Variants in NR1D2 observed in about 807,000 individuals in gnomAD.
NR1D2 encodes nuclear receptor subfamily 1 group D member 2.
Under a neutral mutation model 52.2 loss-of-function variants are expected in NR1D2, and 25 were observed. That is an observed-to-expected ratio of 0.48 (90% CI 0.35 to 0.67). NR1D2 has a LOEUF of 0.67. Among genes scored for constraint, NR1D2 ranks in the 30% least tolerant of loss-of-function variants. The pLI is 0.01. For missense variants in NR1D2, 681 were observed against 707.2 expected, an observed-to-expected ratio of 0.96 and a Z score of 0.42; for synonymous variants, 259 against 230.1, an observed-to-expected ratio of 1.13 and a Z score of -1.14.
Position 23,954,662 on chromosome 3 carries a change from A to T in NR1D2, c.142A>T (p.Asn48Tyr). ...SSVPSSPNSSNSDTNGNPKNG... is the reference protein window; with the variant it reads ...SSVPSSPNSSYSDTNGNPKNG... The stretch of plus-strand genomic sequence containing the variant: ...TGTTCCATCTTCTCCAAATAGCTCT[A>T]ATTCTGATACCAATGGTAATCCCAA... Residue 48 changes from asparagine (N) to tyrosine (Y), a missense_variant, in exon 2 of 8, where the codon AAT (asparagine) becomes TAT (tyrosine). This residue lies in a region of NR1D2 where 94 missense variants were observed against 90.4 expected (regional missense o/e 1.04). Transcript: ENST00000312521. The T allele has an allele frequency of 6.2e-7, 1 of 1,614,102 alleles. No individual in the cohort carries two copies. The highest frequency in any genetic ancestry group is 8.5e-7 in the Non-Finnish European group (1 of 1,179,974).
At chr3:23,955,784 C>T (rs1377979948) in intron 2 of NR1D2, among the ~76,000 whole-genome samples, 3 of 151,986 alleles carry the variant, frequency 2.0e-5, no homozygotes, top group Non-Finnish European at 2.9e-5. Flanking sequence ...GATCACGCCA[C>T]TGCGTTCCAG....
rs1284676979 is a variant in NR1D2 at position 23,946,102 on chromosome 3, C to T, written c.16+508C>T. ...CTCCGCCCCTTTGGAAGCCTCGGGG[C>T]AGTGACGTCGCCGCGATTCCCTCCT... On this transcript the variant is annotated intron_variant, in intron 1 of 7. Coordinates refer to ENST00000312521, the MANE Select transcript of NR1D2 (RefSeq NM_005126.5). The T allele has an allele frequency of 1.0e-5, 10 of 984,552 alleles. No individual in the cohort carries two copies. In the Admixed American group the frequency reaches 4.9e-4, roughly 48 times the overall value. The allele number at this position is 984,552 out of a possible 1,614,324, so 61.0% of individuals were successfully genotyped here.
intron 4 of NR1D2, among the ~76,000 whole-genome samples, chr3:23,960,219 G>A (rs575793367): frequency 8.5e-5 from 13 of 152,114 alleles, no homozygotes; most frequent in African/African-American, 1.2e-4. Flanking sequence ...GACCAGCCAT[G>A]GTGAAACCCC....
At chr3:23,966,064 G>A (rs1259722617) in intron 6 of NR1D2, among the ~76,000 whole-genome samples, 1 of 152,114 alleles carries the variant, frequency 6.6e-6, no homozygotes, top group Middle Eastern at 3.2e-3. Flanking sequence ...GCCTCTCCTG[G>A]TCCTTAGTTA....
In NR1D2 at chr3:23,977,382, A is replaced by G; in HGVS notation, c.1703A>G (p.His568Arg). The G allele has an allele frequency of 6.2e-7, 1 of 1,610,068 alleles. No homozygotes were observed. The highest frequency in any genetic ancestry group is 8.5e-7 in the Non-Finnish European group (1 of 1,178,550). ...LPDLRSLNNMHSEELLAFKVH... is the reference protein window; with the variant it reads ...LPDLRSLNNMRSEELLAFKVH... ...GATCTTCGATCTTTAAACAACATGC[A>G]CTCTGAGGAGCTCTTGGCCTTTAAA... Residue 568 changes from histidine (H) to arginine (R), a missense_variant, in exon 8 of 8, where the codon CAC (histidine) becomes CGC (arginine). This residue lies in a region of NR1D2 where 475 missense variants were observed against 454.5 expected (regional missense o/e 1.05). Transcript: ENST00000312521.
chr3:23,946,255 T>C, intron 1 of NR1D2: 1 of 985,322 alleles, frequency 1.0e-6, no homozygotes. Flanking sequence ...TTTCGCGAGG[T>C]GACCCCAAGG....
At chr3:23,960,398 C>G (rs979677257) in intron 4 of NR1D2, among the ~76,000 whole-genome samples, 16 of 152,076 alleles carry the variant, frequency 1.1e-4, no homozygotes, top group African/African-American at 3.9e-4. Flanking sequence ...CGGTGACACT[C>G]TGTCTCAATG....
intron 7 of NR1D2, among the ~76,000 whole-genome samples, chr3:23,974,088 C>CCT (rs1706658933): frequency 1.3e-5 from 1 of 79,508 alleles, no homozygotes; most frequent in African/African-American, 5.2e-5. Flanking sequence ...TTACAGTTAC[C>CCT]TTTTTTTTTT....
intron 4 of NR1D2, 82 bp from the exon 5 acceptor site, chr3:23,961,895 T>C: frequency 7.7e-7 from 1 of 1,305,836 alleles, no homozygotes; most frequent in South Asian, 1.5e-5. Context: ...AGGCCATAAC[T>C]GTTGGATAAT....
intron 3 of NR1D2, 93 bp from the exon 4 acceptor site, chr3:23,959,578 C>T (rs1276040034): frequency 1.5e-5 from 17 of 1,167,794 alleles, no homozygotes; most frequent in Admixed American, 9.0e-5. Context: ...GACTGTAGTT[C>T]GTCATATACA....
At chr3:23,946,767 C>G (rs897400515) in intron 1 of NR1D2, among the ~76,000 whole-genome samples, 1 of 152,160 alleles carries the variant, frequency 6.6e-6, no homozygotes, top group Non-Finnish European at 1.5e-5. Context: ...GAGAATTTGG[C>G]TTTATAAATA....
intron 1 of NR1D2, among the ~76,000 whole-genome samples, chr3:23,953,596 G>C (rs1294092252): frequency 6.6e-6 from 1 of 152,158 alleles, no homozygotes; most frequent in Admixed American, 6.5e-5. Context: ...GTAGAGAAGG[G>C]AGAGTATTGA....
intron 1 of NR1D2, among the ~76,000 whole-genome samples, chr3:23,946,989 C>T (rs566768468): frequency 6.6e-6 from 1 of 152,214 alleles, no homozygotes; most frequent in Admixed American, 6.5e-5. Context: ...AAAATAAAGT[C>T]ACTTTCTAAT....
At chr3:23,959,282 G>A (rs943304933) in intron 3 of NR1D2, among the ~76,000 whole-genome samples, 25 of 143,876 alleles carry the variant, frequency 1.7e-4, no homozygotes, top group African/African-American at 6.4e-4. Flanking sequence ...AAAAAAAAAA[G>A]AATCAGTCAT....
Position 23,968,039 on chromosome 3 carries a change from CA to C in NR1D2, c.1543+20del, listed in dbSNP as rs1430968709. On this transcript the variant is annotated intron_variant, in intron 7 of 7. Transcript: ENST00000312521. The stretch of plus-strand genomic sequence containing the variant: ...GTATCTGCAGGTAAGCAAGCTGGTT[CA>C]AAATTGTGCCACACCTAGCATATAG... 1.2e-6 allele frequency: 2 copies of C among 1,608,122 alleles called. No individual in the cohort carries two copies. The highest frequency in any genetic ancestry group is 3.3e-5 in the Admixed American group (2 of 60,006).
intron 1 of NR1D2, chr3:23,946,268 C>G (rs1263922839): frequency 3.0e-6 from 3 of 985,368 alleles, no homozygotes; most frequent in South Asian, 4.7e-5. Context: ...CCCCAAGGCG[C>G]GGACCCCGCG....
intron 4 of NR1D2, among the ~76,000 whole-genome samples, chr3:23,960,248 A>G (rs1219121552): frequency 6.6e-6 from 1 of 151,930 alleles, no homozygotes; most frequent in Non-Finnish European, 1.5e-5. Context: ...TAAAAATGCA[A>G]AAAAAAATTA....
At chr3:23,975,309 A>C (rs1165328977) in intron 7 of NR1D2, among the ~76,000 whole-genome samples, 1 of 151,140 alleles carries the variant, frequency 6.6e-6, no homozygotes, top group African/African-American at 2.4e-5. Context: ...TTTTTTGTAA[A>C]GACAAAGACT....
chr3:23,949,595 C>G (rs143141665), intron 1 of NR1D2, among the ~76,000 whole-genome samples: 321 of 152,306 alleles, frequency 2.1e-3, no homozygotes, highest in African/African-American at 7.3e-3. Flanking sequence ...GCCTATAAGG[C>G]ATTTTAGGGA....
Sources: gnomAD v4.1 joint callset for allele counts (sites outside exome capture counted in the v4.1 genomes callset) on GRCh38, gnomAD v4.1.1 for gene constraint, gnomAD v4.1.1 regional missense constraint, MANE v1.5 for transcripts, NCBI Gene and HGNC (gene_info 2026-07-23, HGNC 2026-07-21) for gene names.